PDE1C: variants seen among roughly 807,000 people sequenced by gnomAD.
The protein encoded by PDE1C is phosphodiesterase 1C.
PDE1C carries 62 observed loss-of-function variants against 93.1 expected under a neutral mutation model. The observed-to-expected ratio is 0.67, with a 90% CI of 0.54 to 0.82. PDE1C has a LOEUF of 0.82. PDE1C is among the 40% of genes least tolerant of loss of function. The pLI, the probability that PDE1C is intolerant of heterozygous loss-of-function variation, is 0.00. For missense variants in PDE1C, 742 were observed against 884.6 expected (o/e 0.84, Z 2.04); for synonymous variants, 325 against 310.1 (o/e 1.05, Z -0.50).
intron 2 of PDE1C, among the ~76,000 whole-genome samples, chr7:32,199,407 T>G (rs1379001455): frequency 6.6e-6 from 1 of 152,210 alleles, no homozygotes; most frequent in Non-Finnish European, 1.5e-5. Flanking sequence ...CATTCTGAAC[T>G]CCTACTAAAT....
chr7:31,916,512 C>T (rs987454092), intron 2 of PDE1C, among the ~76,000 whole-genome samples: 5 of 152,186 alleles, frequency 3.3e-5, no homozygotes, highest in African/African-American at 9.6e-5. Context: ...GGACAATCTT[C>T]ATATGACACC....
intron 16 of PDE1C, chr7:31,786,778 A>C (rs1402483688): frequency 6.6e-6 from 1 of 152,184 alleles, no homozygotes; most frequent in East Asian, 1.9e-4. Context: ...CTATGAGAAA[A>C]AGATTTCATG....
At chr7:32,389,437 G>C (rs896089639) in intron 1 of PDE1C, among the ~76,000 whole-genome samples, 1 of 152,114 alleles carries the variant, frequency 6.6e-6, no homozygotes, top group African/African-American at 2.4e-5. Flanking sequence ...GGCTGGTTTC[G>C]AACTCCTGAC....
the PDE1C span, among the ~76,000 whole-genome samples, chr7:31,687,839 A>G: frequency 7.7e-3 from 1,170 of 152,320 alleles, 7 homozygotes; most frequent in Non-Finnish European, 0.013. Flanking sequence ...TGTGGATACA[A>G]CCTTCTACCC....
intron 2 of PDE1C, among the ~76,000 whole-genome samples, chr7:32,025,290 G>A (rs954327286): frequency 1.3e-5 from 2 of 152,088 alleles, no homozygotes; most frequent in Non-Finnish European, 2.9e-5. Flanking sequence ...CAAGCGAGAG[G>A]TCCAACAGAG....
At chr7:31,737,557 T>C in the PDE1C span, among the ~76,000 whole-genome samples, 1 of 151,922 alleles carries the variant, frequency 6.6e-6, no homozygotes, top group East Asian at 1.9e-4. Flanking sequence ...ATGCCAGCAC[T>C]TGGGGAGGCT....
chr7:31,874,212 C>A (rs992185), intron 5 of PDE1C, among the ~76,000 whole-genome samples: 18,191 of 152,212 alleles, frequency 0.12, 1,572 homozygotes, highest in East Asian at 0.25. Context: ...CCCTGAAGTT[C>A]AAAGTCTTTG....
At chr7:32,227,852 C>A (rs1807408316) in intron 1 of PDE1C, among the ~76,000 whole-genome samples, 1 of 152,154 alleles carries the variant, frequency 6.6e-6, no homozygotes, top group Non-Finnish European at 1.5e-5. Context: ...TAAAGACATG[C>A]AAGCAGCCCT....
Position 32,199,818 on chromosome 7 carries a change from C to T in PDE1C, c.136+9671G>A, listed in dbSNP as rs28441451. ...ACCTAAAATGCTCCAAAATTCAAGG[C>T]TTTTTGAGCACCAGCATGACATCAC... On this transcript the variant is annotated intron_variant, in intron 2 of 18. Coordinates refer to the PDE1C transcript ENST00000396193. Among the ~76,000 whole-genome samples, 654 of 152,154 alleles carry T rather than the reference C, an allele frequency of 4.3e-3. 6 individuals are homozygous for T. Among genetic ancestry groups the T allele is most frequent in the African/African-American group, 0.015 (623 of 41,508 alleles).
chr7:32,109,722 T>C (rs1798540570), intron 3 of PDE1C, among the ~76,000 whole-genome samples: 1 of 152,168 alleles, frequency 6.6e-6, no homozygotes, highest in Admixed American at 6.5e-5. Flanking sequence ...GTCTTCACCA[T>C]GGCTGCTCTC....
intron 3 of PDE1C, among the ~76,000 whole-genome samples, chr7:32,139,659 C>T (rs960165531): frequency 6.6e-6 from 1 of 152,088 alleles, no homozygotes; most frequent in Non-Finnish European, 1.5e-5. Flanking sequence ...AGGAATTGAT[C>T]CTGATTGGTA....
intron 3 of PDE1C, among the ~76,000 whole-genome samples, chr7:32,127,360 A>G (rs2128768538): frequency 6.6e-6 from 1 of 152,252 alleles, no homozygotes; most frequent in African/African-American, 2.4e-5. Flanking sequence ...AATACAGGCA[A>G]TAATGTAGAA....
intron 2 of PDE1C, among the ~76,000 whole-genome samples, chr7:32,183,839 G>C (rs1803633076): frequency 6.6e-6 from 1 of 152,176 alleles, no homozygotes; most frequent in East Asian, 1.9e-4. Flanking sequence ...CACAGCAAAA[G>C]AAACTACCAT....
At chr7:32,366,219 CAA>C (rs1023364048) in intron 1 of PDE1C, among the ~76,000 whole-genome samples, 9 of 151,950 alleles carry the variant, frequency 5.9e-5, no homozygotes, top group African/African-American at 2.2e-4. Flanking sequence ...AGAAATTCAA[CAA>C]AGAGATAGAT....
At chr7:31,638,558 TAATA>T in the PDE1C span, among the ~76,000 whole-genome samples, 4 of 152,194 alleles carry the variant, frequency 2.6e-5, no homozygotes, top group East Asian at 1.9e-4. Flanking sequence ...AAGATGTAGA[TAATA>T]AATAAATAAA....
the PDE1C span, among the ~76,000 whole-genome samples, chr7:31,697,747 G>A: frequency 6.6e-6 from 1 of 152,138 alleles, no homozygotes; most frequent in East Asian, 1.9e-4. Context: ...AAGTGACGGA[G>A]GGGAAAATAT....
At chr7:31,934,791 A>G (rs1007565022) in intron 2 of PDE1C, among the ~76,000 whole-genome samples, 2 of 152,122 alleles carry the variant, frequency 1.3e-5, no homozygotes, top group Admixed American at 1.3e-4. Flanking sequence ...TCTGTGAGTC[A>G]CTGATGCTCA....
chr7:32,305,526 C>G (rs1485648652), intron 1 of PDE1C, among the ~76,000 whole-genome samples: 1 of 152,198 alleles, frequency 6.6e-6, no homozygotes, highest in Non-Finnish European at 1.5e-5. Context: ...TTACAGTCAC[C>G]TTGGCCTTGA....
chr7:32,180,757 T>C (rs965378522), intron 2 of PDE1C, among the ~76,000 whole-genome samples: 9 of 152,248 alleles, frequency 5.9e-5, no homozygotes, highest in African/African-American at 1.4e-4. Flanking sequence ...CAAAAACATA[T>C]ACCTCTGGCA....
Sources: allele counts gnomAD v4.1 joint callset (sites outside exome capture counted in the v4.1 genomes callset), GRCh38; gene constraint gnomAD v4.1.1; transcripts MANE v1.5; gene names NCBI Gene and HGNC (gene_info 2026-07-23, HGNC 2026-07-21).